Variants in CCDC171 observed in about 807,000 individuals in gnomAD.
The protein encoded by CCDC171 is coiled-coil domain containing 171.
CCDC171 carries 177 observed loss-of-function variants against 168.2 expected under a neutral mutation model. The ratio of observed to expected loss-of-function variants is 1.05; its 90% CI spans 0.93 to 1.19. The LOEUF is 1.19. Among genes scored for constraint, CCDC171 ranks in the 50% most tolerant of loss-of-function variants. The pLI is 0.00. For synonymous variants in CCDC171, 687 were observed against 540.8 expected (o/e 1.27, Z -3.75); for missense variants, 1,991 against 1,539.0 (o/e 1.29, Z -4.91).
At chr9:15,571,542 A>G in intron 2 of CCDC171, 82 bp from the exon 3 acceptor site, 2 of 1,189,186 alleles carry the variant, frequency 1.7e-6, no homozygotes, top group South Asian at 1.7e-5. Context: ...TTTTTGAAAA[A>G]TAAGTTATCA....
chr9:15,897,964 A>C (rs1332515636), intron 24 of CCDC171, among the ~76,000 whole-genome samples: 1 of 152,226 alleles, frequency 6.6e-6, no homozygotes, highest in Non-Finnish European at 1.5e-5. Context: ...GGTACTTAGC[A>C]TCACTGAACC....
At chr9:15,598,656 C>G (rs1297506171) in intron 6 of CCDC171, among the ~76,000 whole-genome samples, 2 of 152,064 alleles carry the variant, frequency 1.3e-5, no homozygotes, top group Admixed American at 6.6e-5. Flanking sequence ...CTGTAGATGT[C>G]TATTAGGTCC....
At chr9:15,865,340 C>CAT (rs2061730096) in intron 23 of CCDC171, among the ~76,000 whole-genome samples, 1 of 151,176 alleles carries the variant, frequency 6.6e-6, no homozygotes, top group African/African-American at 2.4e-5. Flanking sequence ...TACATACATA[C>CAT]ATATATATAC....
intron 24 of CCDC171, among the ~76,000 whole-genome samples, chr9:15,904,098 C>A (rs1227683153): frequency 6.6e-6 from 1 of 152,272 alleles, no homozygotes; most frequent in East Asian, 1.9e-4. Flanking sequence ...TTGGAAAACA[C>A]TCTTCAGGAT....
chr9:15,842,279 C>G (rs913625119), intron 21 of CCDC171, among the ~76,000 whole-genome samples: 1 of 151,958 alleles, frequency 6.6e-6, no homozygotes, highest in Non-Finnish European at 1.5e-5. Context: ...TCTTAGCGGC[C>G]TAATGGTCTA....
intron 6 of CCDC171, among the ~76,000 whole-genome samples, chr9:15,599,458 A>G (rs908451856): frequency 1.3e-5 from 2 of 152,114 alleles, no homozygotes; most frequent in African/African-American, 2.4e-5. Flanking sequence ...CTTTTCTTCA[A>G]GAATGTTGAA....
the CCDC171 span, among the ~76,000 whole-genome samples, chr9:16,102,732 T>C: frequency 6.6e-6 from 1 of 152,168 alleles, no homozygotes; most frequent in Non-Finnish European, 1.5e-5. Flanking sequence ...CCAACAGCTC[T>C]TCGTCCCCCT....
intron 21 of CCDC171, among the ~76,000 whole-genome samples, chr9:15,818,649 G>C (rs2059648566): frequency 8.5e-6 from 1 of 117,484 alleles, no homozygotes; most frequent in African/African-American, 3.2e-5. Flanking sequence ...AGAGAAAAAA[G>C]AATAAAAGAA....
chr9:15,865,382 A>G (rs1056770952), intron 23 of CCDC171, among the ~76,000 whole-genome samples: 101 of 56,930 alleles, frequency 1.8e-3, no homozygotes, highest in Non-Finnish European at 3.8e-3. Flanking sequence ...TATTTGTCAT[A>G]TTTGTGTGTG....
chr9:15,926,518 A>G (rs942568066), intron 25 of CCDC171, among the ~76,000 whole-genome samples: 1 of 151,452 alleles, frequency 6.6e-6, no homozygotes, highest in African/African-American at 2.4e-5. Flanking sequence ...GACCTCTCTC[A>G]TATTTATTTT....
chr9:15,576,040 C>T (rs1404233346), intron 3 of CCDC171, among the ~76,000 whole-genome samples: 4 of 149,274 alleles, frequency 2.7e-5, no homozygotes, highest in South Asian at 2.1e-4. Context: ...TGCAGTGAGC[C>T]GAGATCATGC....
At chr9:15,807,266 G>C (rs567034805) in intron 21 of CCDC171, among the ~76,000 whole-genome samples, 1 of 152,302 alleles carries the variant, frequency 6.6e-6, no homozygotes, top group African/African-American at 2.4e-5. Flanking sequence ...AACTAGTGTA[G>C]TCATTTGGAG....
chr9:15,879,615 A>G (rs748602581), intron 24 of CCDC171, among the ~76,000 whole-genome samples: 3 of 152,146 alleles, frequency 2.0e-5, no homozygotes, highest in African/African-American at 4.8e-5. Context: ...TTTAAACCTA[A>G]TAACATATCT....
chr9:15,812,575 C>T (rs563111041), intron 21 of CCDC171, among the ~76,000 whole-genome samples: 3 of 152,116 alleles, frequency 2.0e-5, no homozygotes, highest in Admixed American at 2.0e-4. Flanking sequence ...AGTTACTGTC[C>T]TCAATGTTCA....
intron 25 of CCDC171, among the ~76,000 whole-genome samples, chr9:15,964,873 G>A (rs1830651771): frequency 6.6e-6 from 1 of 152,144 alleles, no homozygotes; most frequent in Non-Finnish European, 1.5e-5. Flanking sequence ...CGATTCTCCT[G>A]CCTCAGCCTC....
chr9:15,646,725 A>G (rs1256670602), intron 7 of CCDC171, among the ~76,000 whole-genome samples: 1 of 152,268 alleles, frequency 6.6e-6, no homozygotes, highest in Non-Finnish European at 1.5e-5. Flanking sequence ...TATGCACCCA[A>G]TACAGGAGCA....
Position 15,729,755 on chromosome 9 carries a change from T to A in CCDC171, c.2006T>A (p.Leu669Gln). 1.2e-6 allele frequency: 2 copies of A among 1,612,990 alleles called. No individual in the cohort carries two copies. Among genetic ancestry groups the A allele is most frequent in the Middle Eastern group, 1.7e-4 (1 of 6,050 alleles). ...CACAGACAAAAGAAGGAACTAGAGCTGCAGTATTCTGAACTCTTCCTGGAG... is the reference window on the plus strand; with the variant it reads ...CACAGACAAAAGAAGGAACTAGAGCAGCAGTATTCTGAACTCTTCCTGGAG... Reference protein sequence around the residue: ...CWHRQKKELELQYSELFLEVQ... With the variant: ...CWHRQKKELEQQYSELFLEVQ... Residue 669 changes from leucine to glutamine, a missense_variant, in exon 16 of 26, where the codon CTG becomes CAG. Leu to Gln is a moderately radical substitution (Grantham distance 113). Transcript: ENST00000380701.
intron 16 of CCDC171, among the ~76,000 whole-genome samples, chr9:15,742,836 G>T (rs986313599): frequency 6.6e-6 from 1 of 151,490 alleles, no homozygotes. Flanking sequence ...ACAGGGTCTT[G>T]CACTGTCACC....
chr9:15,958,114 C>CCATCCATTCATT (rs546268419), intron 25 of CCDC171, among the ~76,000 whole-genome samples: 21 of 150,778 alleles, frequency 1.4e-4, no homozygotes, highest in African/African-American at 5.1e-4. Flanking sequence ...ACTCACTCAT[C>CCATCCATTCATT]CATTCATTCA....
Sources: gnomAD v4.1 joint callset for allele counts (sites outside exome capture counted in the v4.1 genomes callset) on GRCh38, gnomAD v4.1.1 for gene constraint, MANE v1.5 for transcripts, NCBI Gene and HGNC (gene_info 2026-07-23, HGNC 2026-07-21) for gene names.